The following TTBK2 variants were observed in gnomAD, a reference collection of about 807,000 sequenced individuals.
The protein encoded by TTBK2 is tau tubulin kinase 2, also known as tau-tubulin kinase 2.
TTBK2 carries 28 observed loss-of-function variants against 110.8 expected under a neutral mutation model. The observed-to-expected ratio is 0.25, with a 90% CI of 0.19 to 0.35. The LOEUF (loss-of-function observed/expected upper bound fraction) is 0.35, where lower values mean the gene tolerates loss of function less well. Among genes scored for constraint, TTBK2 ranks in the 10% least tolerant of loss-of-function variants. TTBK2 has a pLI of 1.00. For synonymous variants in TTBK2, 532 were observed against 527.3 expected, an observed-to-expected ratio of 1.01 and a Z score of -0.12; for missense variants, 1,369 against 1,500.3, an observed-to-expected ratio of 0.91 and a Z score of 1.45.
chr15:42,874,359 A>C (rs1388159973), intron 2 of TTBK2, among the ~76,000 whole-genome samples: 1 of 151,498 alleles, frequency 6.6e-6, no homozygotes, highest in African/African-American at 2.4e-5. Flanking sequence ...CACTGTTGCC[A>C]GGGCTGGAGT....
intron 3 of TTBK2, among the ~76,000 whole-genome samples, chr15:42,847,567 G>A (rs1254270450): frequency 6.6e-6 from 1 of 152,156 alleles, no homozygotes; most frequent in African/African-American, 2.4e-5. Context: ...CTCACATTTA[G>A]ATGTGTGGCA....
In TTBK2 at chr15:42,816,085, A is replaced by AATATAAAT. The variant is rs1555427671; in HGVS notation, c.603+946_603+947insATTTATAT. ...ATATATATATAAAAATAAATAAATA[A>AATATAAAT]ATATATATATATATATATATATATA... On this transcript the variant is annotated intron_variant, in intron 7 of 14. Transcript: ENST00000267890. 6.5e-4 allele frequency among the ~76,000 whole-genome samples: 44 copies of AATATAAAT among 67,448 alleles called. 1 individual carries two copies. In the East Asian group the frequency reaches 0.012, roughly 18 times the overall value. The allele number at this position is 67,448 out of a possible 152,430, so 44.2% of individuals were successfully genotyped here.
chr15:42,801,512 C>A, intron 9 of TTBK2: 1 of 768,088 alleles, frequency 1.3e-6, no homozygotes, highest in Non-Finnish European at 2.4e-6. Context: ...CTTTGCACAC[C>A]ACAGGTCATC....
intron 6 of TTBK2, among the ~76,000 whole-genome samples, chr15:42,819,278 C>T (rs1298598677): frequency 2.6e-5 from 4 of 151,414 alleles, no homozygotes; most frequent in African/African-American, 9.7e-5. Flanking sequence ...ACCATCCTGA[C>T]CAACATGGTG....
chr15:42,907,011 C>A (rs2030440078), intron 1 of TTBK2, among the ~76,000 whole-genome samples: 1 of 151,098 alleles, frequency 6.6e-6, no homozygotes, highest in African/African-American at 2.4e-5. Flanking sequence ...ACAATGAGAC[C>A]CTGTCTCATT....
At chr15:42,759,171 A>T (rs2140643306) in intron 13 of TTBK2, among the ~76,000 whole-genome samples, 1 of 152,366 alleles carries the variant, frequency 6.6e-6, no homozygotes, top group Non-Finnish European at 1.5e-5. Flanking sequence ...AGTCCTGCAC[A>T]GCAGGAAAAC....
intron 1 of TTBK2, among the ~76,000 whole-genome samples, chr15:42,882,527 T>C (rs375201683): frequency 1.3e-5 from 2 of 151,782 alleles, no homozygotes. Context: ...GGCAGAAGAA[T>C]CACTTGGACC....
chr15:42,854,132 C>G (rs990779631), intron 3 of TTBK2, among the ~76,000 whole-genome samples: 1 of 152,066 alleles, frequency 6.6e-6, no homozygotes, highest in Admixed American at 6.6e-5. Flanking sequence ...GACAGGGTCT[C>G]TCGCTATGCT....
intron 10 of TTBK2, among the ~76,000 whole-genome samples, chr15:42,792,710 A>G (rs571021740): frequency 6.6e-6 from 1 of 152,292 alleles, no homozygotes; most frequent in East Asian, 1.9e-4. Flanking sequence ...TGGCAGGGGT[A>G]GGTGAGGCAA....
At chr15:42,815,958 A>AAAAAATATATATATATATAT (rs71108183) in intron 7 of TTBK2, among the ~76,000 whole-genome samples, 19 of 91,708 alleles carry the variant, frequency 2.1e-4, no homozygotes, top group African/African-American at 6.8e-4. Flanking sequence ...TTAAAAAAAA[A>AAAAAATATATATATATATAT]ATATATATAT....
At chr15:42,821,836 G>GC (rs1892318204) in intron 6 of TTBK2, among the ~76,000 whole-genome samples, 1 of 151,660 alleles carries the variant, frequency 6.6e-6, no homozygotes, top group Admixed American at 6.6e-5. Context: ...ACTACAGGGT[G>GC]CCCGCCACCA....
intron 3 of TTBK2, among the ~76,000 whole-genome samples, chr15:42,851,584 T>C (rs913208988): frequency 6.6e-6 from 1 of 152,006 alleles, no homozygotes; most frequent in Non-Finnish European, 1.5e-5. Flanking sequence ...ATTCCATATG[T>C]TGTTGTGGAA....
intron 10 of TTBK2, among the ~76,000 whole-genome samples, chr15:42,787,499 T>A (rs951466102): frequency 6.6e-6 from 1 of 152,210 alleles, no homozygotes; most frequent in Non-Finnish European, 1.5e-5. Flanking sequence ...GATTCACTGA[T>A]GGATGCTACA....
chr15:42,762,974 G>C (rs1396831963), intron 13 of TTBK2, among the ~76,000 whole-genome samples: 1 of 149,012 alleles, frequency 6.7e-6, no homozygotes, highest in African/African-American at 2.5e-5. Flanking sequence ...AAAGAGTAGC[G>C]GGAACGGGGA....
At chr15:42,907,916 AAAAAAT>A (rs2141204962) in intron 1 of TTBK2, among the ~76,000 whole-genome samples, 1 of 150,726 alleles carries the variant, frequency 6.6e-6, no homozygotes, top group African/African-American at 2.4e-5. Context: ...ACAAAAAAAA[AAAAAAT>A]AATAATAATA....
intron 1 of TTBK2, among the ~76,000 whole-genome samples, chr15:42,892,829 G>C (rs1381157801): frequency 6.6e-6 from 1 of 150,954 alleles, no homozygotes; most frequent in Non-Finnish European, 1.5e-5. Context: ...GGTCAACATG[G>C]TAAAACCCTG....
intron 2 of TTBK2, 45 bp downstream of exon 2, chr15:42,878,492 TACACACACACAC>T (rs10650948): frequency 5.6e-4 from 871 of 1,542,300 alleles, no homozygotes; most frequent in Admixed American, 2.1e-3. Context: ...CCGATATGTA[TACACACACACAC>T]ACACACACAC....
rs150894411 is a variant in TTBK2 at position 42,909,610 on chromosome 15, C to G, written c.-68+10828G>C. On this transcript the variant is annotated intron_variant, in intron 1 of 14. Coordinates refer to ENST00000267890, the MANE Select transcript of TTBK2 (RefSeq NM_173500.4). ...AACATTTTGGGGGGCCATTATTGCA[C>G]TTACCGCAAAACTACGCTAAAAAGA... Among the ~76,000 whole-genome samples the G allele has an allele frequency of 1.6e-3, 243 of 152,238 alleles. 2 individuals are homozygous for G. The highest frequency in any genetic ancestry group is 5.4e-3 in the African/African-American group (226 of 41,544).
chr15:42,884,678 A>C lies in TTBK2; in HGVS notation c.-67-5994T>G, dbSNP rs568877043. Among the ~76,000 whole-genome samples the C allele has an allele frequency of 2.0e-5, 3 of 152,316 alleles. No individual in the cohort carries two copies. In the South Asian group the frequency reaches 6.2e-4, roughly 32 times the overall value. On this transcript the variant is annotated intron_variant, in intron 1 of 14. Coordinates refer to ENST00000267890, the MANE Select transcript of TTBK2 (RefSeq NM_173500.4). ...GATGCTGAAGGTTGAGTAGATTTCC[A>C]ATGGCTAATGGTTTAATCAATCAGG...
Sources: gnomAD v4.1 joint callset for allele counts (sites outside exome capture counted in the v4.1 genomes callset) on GRCh38, gnomAD v4.1.1 for gene constraint, MANE v1.5 for transcripts, NCBI Gene and HGNC (gene_info 2026-07-23, HGNC 2026-07-21) for gene names.